The following OXNAD1 variants were observed in gnomAD, a reference collection of about 807,000 sequenced individuals.
The protein encoded by OXNAD1 is oxidoreductase NAD-binding domain-containing protein 1.
Under a neutral mutation model 32.9 loss-of-function variants are expected in OXNAD1, and 34 were observed. The ratio of observed to expected loss-of-function variants is 1.03; its 90% CI spans 0.79 to 1.38. The LOEUF is 1.38. OXNAD1 is among the 40% of genes most tolerant of loss of function. OXNAD1 has a pLI of 0.00. For missense variants in OXNAD1, 407 were observed against 379.4 expected (o/e 1.07, Z -0.60); for synonymous variants, 134 against 135.2 (o/e 0.99, Z 0.06).
chr3:16,274,662 G>A (rs185666620), intron 4 of OXNAD1, among the ~76,000 whole-genome samples: 3 of 152,290 alleles, frequency 2.0e-5, no homozygotes, highest in Admixed American at 2.0e-4. Flanking sequence ...ATATTTTATA[G>A]ATTAGGGACT....
chr3:16,317,235 A>G lies in OXNAD1; in HGVS notation c.*30+13643A>G. The stretch of plus-strand genomic sequence containing the variant: ...TCTCTGGAGAATCGCCACTGAAACT[A>G]GAAATCAGAAAGGATGGGGATAAAT... On this transcript the variant is annotated intron_variant, in intron 9 of 9. Coordinates refer to the OXNAD1 transcript ENST00000435829. The surrounding 1 kb of genome is among the most constrained non-coding windows in gnomAD (Gnocchi z 4.3). The G allele has an allele frequency of 3.7e-6, 6 of 1,611,318 alleles. No homozygotes were observed. Among genetic ancestry groups the G allele is most frequent in the Non-Finnish European group, 5.1e-6 (6 of 1,179,936 alleles).
At chr3:16,330,649 A>G (rs1477781252) in intron 9 of OXNAD1, among the ~76,000 whole-genome samples, 1 of 152,268 alleles carries the variant, frequency 6.6e-6, no homozygotes, top group Non-Finnish European at 1.5e-5. Context: ...GTGTTAAAAA[A>G]TGGAGCATGT....
chr3:16,320,311 C>CT lies in OXNAD1; in HGVS notation c.*30+16720dup, dbSNP rs1487873409. ...GCTGAAAAGTCCTGATTAGAAAAAT[C>CT]TATCCATGTTGCTGATTAAAAGAAG... is the stretch of plus-strand genomic sequence containing the variant. On this transcript the variant is annotated intron_variant, in intron 9 of 9. Coordinates refer to the OXNAD1 transcript ENST00000435829. This position sits in a 1 kb window ranked among gnomAD's most constrained non-coding sequence, Gnocchi z 4.5. Among the ~76,000 whole-genome samples the CT allele has an allele frequency of 2.6e-5, 4 of 152,224 alleles. No homozygotes were observed. The highest frequency in any genetic ancestry group is 9.6e-5 in the African/African-American group (4 of 41,458).
At chr3:16,313,290 G>A (rs569257663) in intron 9 of OXNAD1, among the ~76,000 whole-genome samples, 1 of 144,456 alleles carries the variant, frequency 6.9e-6, no homozygotes, top group South Asian at 2.2e-4. Flanking sequence ...CGATCCTTCT[G>A]TCTCAGCCTC....
chr3:16,294,826 C>A, intron 5 of OXNAD1, 30 bp from the exon 6 acceptor site: 1 of 1,584,876 alleles, frequency 6.3e-7, no homozygotes, highest in Non-Finnish European at 8.6e-7. Flanking sequence ...ATTGCTTCAA[C>A]AATAATCATT....
At position 16,345,264 on chromosome 3, in the gene OXNAD1, T is replaced by TGTGTGTGTGTGTGTGTGTGTG. The variant is rs1553725944; in HGVS notation, c.*31-3912_*31-3911insGTGTGTGTGTGTGTGTGTGTG. 1 of 145,838 alleles carries TGTGTGTGTGTGTGTGTGTGTG rather than the reference T, an allele frequency of 6.9e-6. No homozygotes were observed. Among genetic ancestry groups the TGTGTGTGTGTGTGTGTGTGTG allele is most frequent in the Admixed American group, 6.7e-5 (1 of 14,848 alleles). 9.0% of individuals were successfully genotyped at this position (145,838 alleles called of 1,614,324 possible). On this transcript the variant is annotated intron_variant, in intron 9 of 9. Transcript: ENST00000606098. The surrounding 1 kb of genome is among the most constrained non-coding windows in gnomAD (Gnocchi z 5.2). ...AAACTGTAAGATAATAAGTAGGTGG[T>TGTGTGTGTGTGTGTGTGTGTG]TGTGTGTGTGTGTGTGTGTGTGTGT...
At chr3:16,308,452 A>T (rs1255216288), downstream of OXNAD1, among the ~76,000 whole-genome samples, 3 of 148,226 alleles carry the variant, frequency 2.0e-5, no homozygotes, top group Non-Finnish European at 3.0e-5. This position sits in a 1 kb window ranked among gnomAD's most constrained non-coding sequence, Gnocchi z 4.4. Flanking sequence ...TGTTGCTCCT[A>T]TTTTTTTTTT....
intron 2 of OXNAD1, among the ~76,000 whole-genome samples, chr3:16,270,692 G>A (rs1194809913): frequency 1.3e-5 from 2 of 152,168 alleles, no homozygotes; most frequent in Admixed American, 1.3e-4. Context: ...GAAAGTGATA[G>A]AGAACATGAA....
intron 9 of OXNAD1, among the ~76,000 whole-genome samples, chr3:16,347,436 T>A (rs1287001029): frequency 6.6e-6 from 1 of 152,254 alleles, no homozygotes; most frequent in African/African-American, 2.4e-5. Context: ...ATGCTCCTTT[T>A]GGAGGCTAGG....
intron 2 of OXNAD1, among the ~76,000 whole-genome samples, chr3:16,269,855 C>T (rs755313920): frequency 6.6e-6 from 1 of 152,132 alleles, no homozygotes; most frequent in African/African-American, 2.4e-5. Flanking sequence ...CATTTATTCT[C>T]AAGGTAACTA....
In OXNAD1 at chr3:16,304,586, A is replaced by G. The variant is rs1205629277; in HGVS notation, c.*1024A>G. 6.6e-6 allele frequency: 1 copy of G among 152,248 alleles called. No individual in the cohort carries two copies. The highest frequency in any genetic ancestry group is 2.4e-5 in the African/African-American group (1 of 41,472). 9.4% of individuals were successfully genotyped at this position (152,248 alleles called of 1,614,324 possible). On this transcript the variant is annotated 3_prime_UTR_variant, in exon 9 of 9. Coordinates refer to ENST00000285083, the MANE Select transcript of OXNAD1 (RefSeq NM_138381.5). This position sits in a 1 kb window ranked among gnomAD's most constrained non-coding sequence, Gnocchi z 4.6. Reference sequence around the variant, plus strand: ...TGCTCTGATGAAACTGCTAGAAAGCAGATTGTAGTTCTTTGTTTAGATTTT... The same window carrying G: ...TGCTCTGATGAAACTGCTAGAAAGCGGATTGTAGTTCTTTGTTTAGATTTT...
chr3:16,295,367 T>C (rs999807528), intron 6 of OXNAD1, among the ~76,000 whole-genome samples: 15 of 152,202 alleles, frequency 9.9e-5, no homozygotes, highest in Non-Finnish European at 1.8e-4. Context: ...TATTCTGTCA[T>C]TTTTGGAGGG....
chr3:16,292,434 C>T (rs951143898), intron 5 of OXNAD1, among the ~76,000 whole-genome samples: 8 of 152,116 alleles, frequency 5.3e-5, no homozygotes, highest in Non-Finnish European at 1.0e-4. Flanking sequence ...CTCAGGTGAT[C>T]CACCCACCTC....
intron 9 of OXNAD1, among the ~76,000 whole-genome samples, chr3:16,343,969 T>C (rs919773337): frequency 5.9e-5 from 9 of 152,222 alleles, no homozygotes; most frequent in African/African-American, 2.2e-4. Flanking sequence ...AAAGTGAAGA[T>C]CTGAGGTGGA....
At chr3:16,295,517 A>T (rs563935664) in intron 6 of OXNAD1, among the ~76,000 whole-genome samples, 1 of 152,262 alleles carries the variant, frequency 6.6e-6, no homozygotes, top group South Asian at 2.1e-4. Context: ...ATTGCTGTTA[A>T]TAACTCTTAT....
rs770034034 is a variant in OXNAD1, at chr3:16,302,795, T to C, written c.784+47T>C. On this transcript the variant is annotated intron_variant, in intron 8 of 8. Transcript: ENST00000285083. This position sits in a 1 kb window ranked among gnomAD's most constrained non-coding sequence, Gnocchi z 4.2. ...TGACTATCTCCATGCAGTTATTTGATGGACACACCAGTTGGTTGAGCGTAG... is the reference window on the plus strand; with the variant it reads ...TGACTATCTCCATGCAGTTATTTGACGGACACACCAGTTGGTTGAGCGTAG... The C allele has an allele frequency of 7.1e-7, 1 of 1,402,204 alleles. No individual in the cohort carries two copies. Among genetic ancestry groups the C allele is most frequent in the Non-Finnish European group, 1.0e-6 (1 of 996,588 alleles). 86.9% of individuals were successfully genotyped at this position (1,402,204 alleles called of 1,614,324 possible). A position where few individuals can be genotyped will look rare whatever the true frequency, so the allele number is the denominator to read the frequency against.
In OXNAD1 at chr3:16,312,748, G is replaced by A. The variant is rs1367150153; in HGVS notation, c.*30+9156G>A. On this transcript the variant is annotated intron_variant, in intron 9 of 9. Coordinates refer to the OXNAD1 transcript ENST00000435829. This position sits in a 1 kb window ranked among gnomAD's most constrained non-coding sequence, Gnocchi z 4.7. ...AATATGTTTAGAGTACTGATAAAAT[G>A]TGCTTCATAAGAAATAAATTAGAAT... 1.3e-5 allele frequency among the ~76,000 whole-genome samples: 2 copies of A among 152,172 alleles called. No individual in the cohort carries two copies. Among genetic ancestry groups the A allele is most frequent in the African/African-American group, 4.8e-5 (2 of 41,442 alleles).
downstream of OXNAD1, among the ~76,000 whole-genome samples, chr3:16,308,392 C>CACAA (rs2067717497): frequency 1.3e-5 from 2 of 152,058 alleles, no homozygotes; most frequent in South Asian, 4.1e-4. The surrounding 1 kb of genome is among the most constrained non-coding windows in gnomAD (Gnocchi z 4.4). Context: ...GGACTCACAG[C>CACAA]ACAAACACGT....
At chr3:16,292,893 A>G (rs1482262307) in intron 5 of OXNAD1, among the ~76,000 whole-genome samples, 1 of 152,178 alleles carries the variant, frequency 6.6e-6, no homozygotes, top group African/African-American at 2.4e-5. Flanking sequence ...GTCTGTCCTT[A>G]TGTCAGTACA....
Sources: gnomAD v4.1 joint callset for allele counts (sites outside exome capture counted in the v4.1 genomes callset) on GRCh38, gnomAD v4.1.1 for gene constraint, Gnocchi (gnomAD v3.1) non-coding constraint, MANE v1.5 for transcripts, NCBI Gene and HGNC (gene_info 2026-07-23, HGNC 2026-07-21) for gene names.